Variants in MILR1 observed in about 807,000 individuals in gnomAD.
MILR1 encodes mast cell immunoglobulin like receptor 1.
In MILR1, 31 loss-of-function variants were observed where a neutral mutation model predicts 18.5. The ratio of observed to expected loss-of-function variants is 1.68; its 90% CI spans 1.26 to 2.26. MILR1 has a LOEUF of 2.26. Among genes scored for constraint, MILR1 ranks in the 30% most tolerant of loss-of-function variants. The pLI is 0.00. For missense variants in MILR1, 257 were observed against 157.4 expected (o/e 1.63, Z -3.38); for synonymous variants, 85 against 56.2 (o/e 1.51, Z -2.30).
chr17:64,495,914 G>A, the MILR1 span, among the ~76,000 whole-genome samples: 1 of 152,206 alleles, frequency 6.6e-6, no homozygotes, highest in East Asian at 1.9e-4. Flanking sequence ...TCACCATGTT[G>A]GCCAGGCTAG....
At chr17:64,475,709 T>A in the MILR1 span, among the ~76,000 whole-genome samples, 1 of 148,468 alleles carries the variant, frequency 6.7e-6, no homozygotes, top group African/African-American at 2.5e-5. Flanking sequence ...AGATAGAATA[T>A]CACCATTTTG....
chr17:64,493,646 G>A, the MILR1 span, among the ~76,000 whole-genome samples: 3 of 151,890 alleles, frequency 2.0e-5, no homozygotes, highest in South Asian at 4.2e-4. Flanking sequence ...CACCACGCCC[G>A]GCTAATTTTT....
chr17:64,491,734 T>C, the MILR1 span: 3 of 808,508 alleles, frequency 3.7e-6, no homozygotes, highest in Non-Finnish European at 4.2e-6. Flanking sequence ...ATGCTCTTCA[T>C]CTACTGCCTT....
In MILR1 at chr17:64,465,500, T is replaced by C; in HGVS notation, c.812T>C (p.Met271Thr). The change falls in exon 6 of 10, where the codon ATG (methionine) becomes ACG (threonine). Residue 271 changes from methionine to threonine, a missense_variant. Coordinates refer to ENST00000619286, the MANE Select transcript of MILR1 (RefSeq NM_001085423.2). ...NVPRDRGDTA[M>T]EVGIYANILE... ...CCCAGGGACCGTGGAGACACAGCCA[T>C]GGAAGTTGGAATCTATGCAAATATC... is the stretch of plus-strand genomic sequence containing the variant. 3 of 1,611,030 alleles carry C rather than the reference T, an allele frequency of 1.9e-6. No individual in the cohort carries two copies. Among genetic ancestry groups the C allele is most frequent in the South Asian group, 2.2e-5 (2 of 90,142 alleles).
At chr17:64,494,449 T>C in the MILR1 span, among the ~76,000 whole-genome samples, 2 of 152,192 alleles carry the variant, frequency 1.3e-5, no homozygotes, top group Non-Finnish European at 1.5e-5. Context: ...TTAGAATCCA[T>C]TGATGACTGT....
In MILR1 at chr17:64,467,627, A is replaced by G; in HGVS notation, c.*10A>G. On this transcript the variant is annotated 3_prime_UTR_variant, in exon 9 of 10. Transcript: ENST00000619286. Reference sequence around the variant, plus strand: ...TGAACTCAACTTCTGAAATTTACAGAAACAAACTACATCTCAGGGTAAGAT... The same window carrying G: ...TGAACTCAACTTCTGAAATTTACAGGAACAAACTACATCTCAGGGTAAGAT... The G allele has an allele frequency of 6.4e-7, 1 of 1,558,562 alleles. No homozygotes were observed. Among genetic ancestry groups the G allele is most frequent in the South Asian group, 1.2e-5 (1 of 86,036 alleles).
the MILR1 span, among the ~76,000 whole-genome samples, chr17:64,473,828 G>T: frequency 2.6e-5 from 4 of 152,066 alleles, no homozygotes; most frequent in African/African-American, 9.7e-5. Flanking sequence ...TACTACTGAG[G>T]CAGTCTCAAA....
chr17:64,489,326 T>A, the MILR1 span, among the ~76,000 whole-genome samples: 1 of 141,538 alleles, frequency 7.1e-6, no homozygotes, highest in African/African-American at 2.7e-5. Flanking sequence ...TGCTGACCAG[T>A]AAATCTAGAA....
rs1555663353 is a variant in MILR1, at chr17:64,466,658, G to C, written c.975G>C (p.Glu325Asp). The C allele has an allele frequency of 6.2e-7, 1 of 1,605,352 alleles. No individual in the cohort carries two copies. Among genetic ancestry groups the C allele is most frequent in the South Asian group, 1.1e-5 (1 of 89,538 alleles). ...TGTTCCAGGAGGTGGCACCAAGAGA[G>C]CAAGGTGAGCCACAGGTTGGGATAA... Reference protein sequence around the residue: ...TPVFQEVAPREQEACDSYKSG... With the variant: ...TPVFQEVAPRDQEACDSYKSG... The change falls in exon 8 of 10, where the codon GAG becomes GAC. Residue 325 changes from glutamate (E) to aspartate (D), a missense_variant. Transcript: ENST00000619286.
At chr17:64,496,070 A>G in the MILR1 span, among the ~76,000 whole-genome samples, 1 of 152,244 alleles carries the variant, frequency 6.6e-6, no homozygotes, top group Non-Finnish European at 1.5e-5. Context: ...ATTTTTACTT[A>G]GAATAAATCT....
intron 6 of MILR1, 55 bp from the exon 7 acceptor site, chr17:64,466,387 C>A (rs527529103): frequency 6.0e-6 from 9 of 1,503,972 alleles, no homozygotes; most frequent in South Asian, 5.9e-5. Flanking sequence ...AATTTACCGA[C>A]CTTTTCTAAC....
intron 4 of MILR1, among the ~76,000 whole-genome samples, chr17:64,459,390 C>G (rs1322151057): frequency 3.3e-5 from 5 of 151,952 alleles, no homozygotes; most frequent in African/African-American, 1.2e-4. Context: ...CTGTGATCAT[C>G]GTGCCCTGCA....
chr17:64,484,118 G>A, the MILR1 span: 2 of 152,182 alleles, frequency 1.3e-5, no homozygotes, highest in Non-Finnish European at 2.9e-5. Flanking sequence ...TCGTGGCAGG[G>A]AGAAACAGAC....
At chr17:64,485,859 C>T in the MILR1 span, 1 of 1,614,044 alleles carries the variant, frequency 6.2e-7, no homozygotes, top group South Asian at 1.1e-5. Context: ...TTTTTTCGTC[C>T]ATCTCGGCCC....
chr17:64,494,500 T>C, the MILR1 span, among the ~76,000 whole-genome samples: 6 of 152,162 alleles, frequency 3.9e-5, no homozygotes, highest in African/African-American at 1.4e-4. Flanking sequence ...TATCATGAAA[T>C]GGTGAATTTT....
the MILR1 span, among the ~76,000 whole-genome samples, chr17:64,475,343 C>T: frequency 1.3e-5 from 2 of 152,032 alleles, no homozygotes; most frequent in African/African-American, 4.8e-5. Flanking sequence ...AGAAGCTTTT[C>T]TTCATAGAAG....
intron 3 of MILR1, among the ~76,000 whole-genome samples, chr17:64,455,598 C>G (rs1034383896): frequency 6.7e-6 from 1 of 149,834 alleles, no homozygotes; most frequent in African/African-American, 2.5e-5. Context: ...GGACTACAGG[C>G]GCCTGCCACC....
chr17:64,450,372 G>T (rs2037142400), intron 2 of MILR1, among the ~76,000 whole-genome samples: 1 of 152,162 alleles, frequency 6.6e-6, no homozygotes, highest in African/African-American at 2.4e-5. Context: ...GGTGGTGGTT[G>T]TTACTGTATA....
the MILR1 span, chr17:64,484,066 C>T: frequency 6.6e-6 from 1 of 152,178 alleles, no homozygotes; most frequent in African/African-American, 2.4e-5. Context: ...GCCTCTGATA[C>T]CAGGAACAGT....
Sources: gnomAD v4.1 joint callset for allele counts (sites outside exome capture counted in the v4.1 genomes callset) on GRCh38, gnomAD v4.1.1 for gene constraint, MANE v1.5 for transcripts, NCBI Gene and HGNC (gene_info 2026-07-23, HGNC 2026-07-21) for gene names.